Variants in GALNT13 observed in about 807,000 individuals in gnomAD.
GALNT13 encodes UDP-GalNAc:polypeptide N-acetylgalactosaminyltransferase 13.
In GALNT13, 28 loss-of-function variants were observed where a neutral mutation model predicts 64.2. That is an observed-to-expected ratio of 0.44 (90% CI 0.32 to 0.60). The LOEUF is 0.60. Ranked by LOEUF, GALNT13 falls within the 20% of genes least tolerant of loss-of-function variation. The pLI, the probability that GALNT13 is intolerant of heterozygous loss-of-function variation, is 0.05. For missense variants in GALNT13, 577 were observed against 669.8 expected, an observed-to-expected ratio of 0.86 and a Z score of 1.53; for synonymous variants, 214 against 224.6, an observed-to-expected ratio of 0.95 and a Z score of 0.42.
At chr2:153,365,412 A>C in the GALNT13 span, among the ~76,000 whole-genome samples, 308 of 152,174 alleles carry the variant, frequency 2.0e-3, 1 homozygote, top group African/African-American at 6.7e-3. Context: ...AAACTAAAGC[A>C]CTTCTGCACA....
chr2:153,910,656 A>G (rs541386060), intron 2 of GALNT13, among the ~76,000 whole-genome samples: 1 of 152,248 alleles, frequency 6.6e-6, no homozygotes, highest in South Asian at 2.1e-4. Context: ...ATTAGTTTCA[A>G]AGACCTTCTT....
At chr2:153,373,786 T>G in the GALNT13 span, among the ~76,000 whole-genome samples, 1 of 152,192 alleles carries the variant, frequency 6.6e-6, no homozygotes, top group Non-Finnish European at 1.5e-5. Flanking sequence ...ACTTTCTTTT[T>G]CTCTACTTTC....
the GALNT13 span, among the ~76,000 whole-genome samples, chr2:153,653,801 A>G: frequency 6.6e-6 from 1 of 152,216 alleles, no homozygotes; most frequent in East Asian, 1.9e-4. Context: ...TTATATGAAT[A>G]TATTTTGGAA....
intron 3 of GALNT13, among the ~76,000 whole-genome samples, chr2:154,072,243 G>C (rs1365968048): frequency 6.6e-6 from 1 of 152,134 alleles, no homozygotes; most frequent in Non-Finnish European, 1.5e-5. Flanking sequence ...TTTTAAAGAT[G>C]CTATGCTAAA....
intron 9 of GALNT13, among the ~76,000 whole-genome samples, chr2:154,383,946 G>A (rs1698394134): frequency 6.6e-6 from 1 of 151,676 alleles, no homozygotes; most frequent in Non-Finnish European, 1.5e-5. Flanking sequence ...AGAAGAGAGG[G>A]CACATGACAG....
chr2:153,500,396 T>G, the GALNT13 span, among the ~76,000 whole-genome samples: 1 of 152,182 alleles, frequency 6.6e-6, no homozygotes, highest in African/African-American at 2.4e-5. Flanking sequence ...GCTACAGTTG[T>G]GCTTGCTAAG....
chr2:154,424,430 T>C (rs954968290), intron 11 of GALNT13, among the ~76,000 whole-genome samples: 2 of 152,210 alleles, frequency 1.3e-5, no homozygotes, highest in Non-Finnish European at 2.9e-5. Flanking sequence ...ATATTTTAAA[T>C]GACCACTGTC....
chr2:153,930,909 T>C (rs958907539), intron 2 of GALNT13, among the ~76,000 whole-genome samples: 1 of 152,182 alleles, frequency 6.6e-6, no homozygotes, highest in African/African-American at 2.4e-5. Flanking sequence ...TAAATGGCTT[T>C]GGGCAGTATA....
chr2:154,309,490 T>C (rs1021147156), intron 9 of GALNT13, among the ~76,000 whole-genome samples: 3 of 152,126 alleles, frequency 2.0e-5, no homozygotes, highest in Non-Finnish European at 2.9e-5. Flanking sequence ...GCCCATCTGG[T>C]GAGGGCCTTG....
At chr2:154,421,518 C>T (rs116406199) in intron 11 of GALNT13, among the ~76,000 whole-genome samples, 119 of 152,124 alleles carry the variant, frequency 7.8e-4, no homozygotes, top group African/African-American at 2.6e-3. Context: ...ATTATATACT[C>T]ATGATGTCAA....
the GALNT13 span, among the ~76,000 whole-genome samples, chr2:153,393,247 T>C: frequency 6.6e-6 from 1 of 150,938 alleles, no homozygotes; most frequent in African/African-American, 2.4e-5. Context: ...GTAGTCTCAA[T>C]AACAGACTCA....
At chr2:153,118,515 T>C in the GALNT13 span, among the ~76,000 whole-genome samples, 1 of 152,200 alleles carries the variant, frequency 6.6e-6, no homozygotes, top group South Asian at 2.1e-4. Context: ...TTATAAGTGG[T>C]CCACCCACTA....
At chr2:153,731,975 T>C in the GALNT13 span, among the ~76,000 whole-genome samples, 1 of 152,032 alleles carries the variant, frequency 6.6e-6, no homozygotes, top group Non-Finnish European at 1.5e-5. Flanking sequence ...GATAAAGTCA[T>C]GTGTTGCTTT....
chr2:154,192,536 C>G (rs1686653090), intron 4 of GALNT13, among the ~76,000 whole-genome samples: 1 of 151,718 alleles, frequency 6.6e-6, no homozygotes, highest in Non-Finnish European at 1.5e-5. Context: ...ATATATTTAA[C>G]AGCATTATGA....
the GALNT13 span, among the ~76,000 whole-genome samples, chr2:153,263,901 A>G: frequency 6.6e-6 from 1 of 152,220 alleles, no homozygotes; most frequent in Non-Finnish European, 1.5e-5. Context: ...AGATTTCATG[A>G]TGAAAATGCC....
chr2:153,703,520 T>C, the GALNT13 span, among the ~76,000 whole-genome samples: 1 of 152,174 alleles, frequency 6.6e-6, no homozygotes, highest in Non-Finnish European at 1.5e-5. Context: ...TTTCTTCCCT[T>C]ACTTGCAGTC....
the GALNT13 span, among the ~76,000 whole-genome samples, chr2:153,545,987 G>C: frequency 6.6e-6 from 1 of 152,148 alleles, no homozygotes; most frequent in Admixed American, 6.5e-5. Context: ...CCTGTGGTTC[G>C]GCACATGCCC....
the GALNT13 span, among the ~76,000 whole-genome samples, chr2:153,717,118 C>T: frequency 6.6e-6 from 1 of 152,094 alleles, no homozygotes; most frequent in Non-Finnish European, 1.5e-5. Flanking sequence ...AGCTTCCTTG[C>T]CTGGGTGGCA....
chr2:154,377,703 C>A (rs145542051), intron 9 of GALNT13, among the ~76,000 whole-genome samples: 1 of 152,124 alleles, frequency 6.6e-6, no homozygotes, highest in East Asian at 1.9e-4. Context: ...CCAGGCATTC[C>A]TCTAGGTCCT....
Sources: gnomAD v4.1 joint callset for allele counts (sites outside exome capture counted in the v4.1 genomes callset) on GRCh38, gnomAD v4.1.1 for gene constraint, MANE v1.5 for transcripts, NCBI Gene and HGNC (gene_info 2026-07-23, HGNC 2026-07-21) for gene names.